Variants in CDH18 observed in about 807,000 individuals in gnomAD.
CDH18 encodes cadherin 18.
In CDH18, 31 loss-of-function variants were observed where a neutral mutation model predicts 67.9. The observed-to-expected ratio is 0.46, with a 90% confidence interval of 0.34 to 0.62. The LOEUF is 0.62. Ranked by LOEUF, CDH18 falls within the 20% of genes least tolerant of loss-of-function variation. CDH18 has a pLI of 0.01. For synonymous variants in CDH18, 362 were observed against 347.2 expected (o/e 1.04, Z -0.48); for missense variants, 890 against 975.5 (o/e 0.91, Z 1.17).
At chr5:19,884,207 G>A (rs965224565) in intron 2 of CDH18, among the ~76,000 whole-genome samples, 15 of 151,986 alleles carry the variant, frequency 9.9e-5, no homozygotes, top group Non-Finnish European at 1.8e-4. Context: ...CAAATTTTGC[G>A]GCAAGGTCGC....
At chr5:20,007,458 A>G (rs1736996551) in intron 2 of CDH18, among the ~76,000 whole-genome samples, 1 of 152,162 alleles carries the variant, frequency 6.6e-6, no homozygotes, top group African/African-American at 2.4e-5. Context: ...TTTGAGAAAA[A>G]AGAATACATA....
intron 3 of CDH18, among the ~76,000 whole-genome samples, chr5:19,785,798 A>T (rs1297410518): frequency 1.4e-5 from 2 of 146,758 alleles, no homozygotes; most frequent in African/African-American, 2.5e-5. Flanking sequence ...AAGGTGACAT[A>T]TAAAATAAAA....
intron 11 of CDH18, among the ~76,000 whole-genome samples, chr5:19,495,481 C>T (rs1365094263): frequency 6.6e-6 from 1 of 151,870 alleles, no homozygotes; most frequent in East Asian, 1.9e-4. Context: ...TGGTTCACAC[C>T]TGTAATCCCA....
chr5:20,068,086 C>G (rs1743142411), intron 2 of CDH18, among the ~76,000 whole-genome samples: 1 of 152,080 alleles, frequency 6.6e-6, no homozygotes, highest in Non-Finnish European at 1.5e-5. Flanking sequence ...GGACTCTACA[C>G]TAAGTTCTTC....
At chr5:20,376,091 A>ATTTTTTTCTTTTTTTTTTTT (rs1743397923) in intron 1 of CDH18, among the ~76,000 whole-genome samples, 1 of 49,748 alleles carries the variant, frequency 2.0e-5, no homozygotes, top group Non-Finnish European at 3.8e-5. Context: ...AAAAGAAACA[A>ATTTTTTTCTTTTTTTTTTTT]TTTTTTTTTT....
chr5:20,061,684 T>A (rs576424621), intron 2 of CDH18, among the ~76,000 whole-genome samples: 2 of 152,324 alleles, frequency 1.3e-5, no homozygotes, highest in East Asian at 1.9e-4. Context: ...AATAAGACTA[T>A]AGGTAAAAAT....
intron 2 of CDH18, among the ~76,000 whole-genome samples, chr5:20,112,382 A>G (rs1747552177): frequency 6.6e-6 from 1 of 152,188 alleles, no homozygotes; most frequent in Admixed American, 6.5e-5. Flanking sequence ...CAAGGGACAC[A>G]GTAAAATTCA....
At chr5:19,557,264 A>G (rs1409571630) in intron 8 of CDH18, among the ~76,000 whole-genome samples, 1 of 152,126 alleles carries the variant, frequency 6.6e-6, no homozygotes, top group East Asian at 1.9e-4. Flanking sequence ...AGATAGTATA[A>G]TGAATATAAT....
intron 1 of CDH18, among the ~76,000 whole-genome samples, chr5:20,277,959 A>G (rs1000283946): frequency 1.3e-5 from 2 of 152,292 alleles, no homozygotes; most frequent in Non-Finnish European, 2.9e-5. Flanking sequence ...ATTTGAAACT[A>G]CACAGTCGGA....
intron 1 of CDH18, among the ~76,000 whole-genome samples, chr5:20,336,938 A>C (rs1739826124): frequency 6.6e-6 from 1 of 152,092 alleles, no homozygotes; most frequent in South Asian, 2.1e-4. Context: ...ATAATAACCA[A>C]GATGGACTCA....
At chr5:20,262,663 G>A (rs1487089374) in intron 1 of CDH18, among the ~76,000 whole-genome samples, 4 of 152,048 alleles carry the variant, frequency 2.6e-5, no homozygotes, top group Non-Finnish European at 5.9e-5. Context: ...CAGTGACAGT[G>A]ATGCTAAAAA....
At chr5:19,571,434 T>G in intron 8 of CDH18, 145 bp downstream of exon 8, 1 of 765,218 alleles carries the variant, frequency 1.3e-6, no homozygotes, top group Non-Finnish European at 1.9e-6. Flanking sequence ...GCTACACAGT[T>G]AAAATCAATT....
intron 5 of CDH18, among the ~76,000 whole-genome samples, chr5:19,616,404 G>A (rs574377910): frequency 4.6e-5 from 7 of 152,132 alleles, no homozygotes; most frequent in African/African-American, 1.7e-4. Flanking sequence ...TTGGTTAAAT[G>A]TGAAGCTATA....
At chr5:20,175,141 C>A (rs995107129) in intron 2 of CDH18, among the ~76,000 whole-genome samples, 3 of 151,136 alleles carry the variant, frequency 2.0e-5, no homozygotes, top group African/African-American at 7.3e-5. Context: ...AAGTGTAATG[C>A]CAACAAGAGG....
intron 2 of CDH18, among the ~76,000 whole-genome samples, chr5:19,868,314 A>G (rs925140087): frequency 2.6e-5 from 4 of 152,184 alleles, no homozygotes; most frequent in Admixed American, 2.6e-4. Context: ...GCTTTATTTC[A>G]GATGGAGTGG....
intron 1 of CDH18, among the ~76,000 whole-genome samples, chr5:20,476,399 A>G (rs1752446632): frequency 1.3e-5 from 2 of 152,076 alleles, no homozygotes. Flanking sequence ...AAACTGAACA[A>G]TTTGATGAGT....
At chr5:19,665,337 T>C (rs547677251) in intron 5 of CDH18, among the ~76,000 whole-genome samples, 1 of 152,192 alleles carries the variant, frequency 6.6e-6, no homozygotes, top group South Asian at 2.1e-4. Flanking sequence ...AATAACCAGA[T>C]GCATTTGTAC....
intron 1 of CDH18, among the ~76,000 whole-genome samples, chr5:20,436,691 T>C (rs1374029131): frequency 6.6e-6 from 1 of 151,388 alleles, no homozygotes; most frequent in African/African-American, 2.4e-5. Context: ...TACATACACA[T>C]ATATATTTTT....
intron 2 of CDH18, among the ~76,000 whole-genome samples, chr5:19,871,425 C>A (rs996739178): frequency 1.3e-5 from 2 of 152,010 alleles, no homozygotes; most frequent in African/African-American, 4.8e-5. Flanking sequence ...ATTCAAGACC[C>A]CTTTGATTTC....
Sources: gnomAD v4.1 joint callset for allele counts (sites outside exome capture counted in the v4.1 genomes callset) on GRCh38, gnomAD v4.1.1 for gene constraint, MANE v1.5 for transcripts, NCBI Gene and HGNC (gene_info 2026-07-23, HGNC 2026-07-21) for gene names.